Variants in SUGCT observed in about 807,000 individuals in gnomAD.
SUGCT encodes succinyl-CoA:glutarate CoA-transferase.
A neutral mutation model predicts 55.0 loss-of-function variants in SUGCT; 41 were observed. That is an observed-to-expected ratio of 0.74 (90% CI 0.58 to 0.97). The LOEUF (loss-of-function observed/expected upper bound fraction) is 0.97, where lower values mean the gene tolerates loss of function less well. Ranked by LOEUF, SUGCT falls within the 50% of genes least tolerant of loss-of-function variation. The pLI is 0.00. For synonymous variants in SUGCT, 187 were observed against 200.4 expected, an observed-to-expected ratio of 0.93 and a Z score of 0.56; for missense variants, 568 against 547.8, an observed-to-expected ratio of 1.04 and a Z score of -0.37.
intron 12 of SUGCT, among the ~76,000 whole-genome samples, chr7:40,619,065 G>T (rs1277149685): frequency 6.6e-6 from 1 of 152,010 alleles, no homozygotes; most frequent in African/African-American, 2.4e-5. Context: ...TCCCACTCTG[G>T]CCAGGAATAC....
chr7:40,677,634 G>C (rs1191576941), intron 12 of SUGCT, among the ~76,000 whole-genome samples: 1 of 152,166 alleles, frequency 6.6e-6, no homozygotes, highest in Non-Finnish European at 1.5e-5. Flanking sequence ...TCACTGGTCA[G>C]AACGAGTTCC....
chr7:40,377,169 TC>T (rs1272501521), intron 9 of SUGCT, among the ~76,000 whole-genome samples: 2 of 16,056 alleles, frequency 1.2e-4, no homozygotes, highest in African/African-American at 2.0e-4. Flanking sequence ...TTTCTTTCTT[TC>T]TTTCTTTCTT....
At chr7:40,662,066 C>T (rs1025073043) in intron 12 of SUGCT, among the ~76,000 whole-genome samples, 1 of 152,202 alleles carries the variant, frequency 6.6e-6, no homozygotes, top group Non-Finnish European at 1.5e-5. Flanking sequence ...AAACGTATCT[C>T]CCCCTTGCCC....
intron 9 of SUGCT, among the ~76,000 whole-genome samples, chr7:40,394,533 A>G (rs1026758231): frequency 6.6e-6 from 1 of 152,242 alleles, no homozygotes; most frequent in African/African-American, 2.4e-5. Context: ...ATATGTATAC[A>G]TTGTAGAATG....
At chr7:40,349,628 G>C (rs1471506614) in intron 9 of SUGCT, among the ~76,000 whole-genome samples, 1 of 151,624 alleles carries the variant, frequency 6.6e-6, no homozygotes, top group Non-Finnish European at 1.5e-5. Context: ...TTTGCCGCTT[G>C]CTCCTCACCT....
chr7:40,887,770 G>C, the SUGCT span, among the ~76,000 whole-genome samples: 1 of 152,176 alleles, frequency 6.6e-6, no homozygotes, highest in Admixed American at 6.5e-5. Context: ...CAGGGCTCTG[G>C]AACTAACCTC....
intron 6 of SUGCT, among the ~76,000 whole-genome samples, chr7:40,208,596 G>A (rs1787140217): frequency 6.6e-6 from 1 of 151,628 alleles, no homozygotes; most frequent in African/African-American, 2.4e-5. Flanking sequence ...CCAGGCTGGA[G>A]TGCAGTGGTG....
chr7:40,864,841 G>A (rs189319650), downstream of SUGCT, among the ~76,000 whole-genome samples: 14 of 152,196 alleles, frequency 9.2e-5, no homozygotes, highest in Admixed American at 9.2e-4. Context: ...AGAGGGAGGG[G>A]CAGGCACTAG....
Position 40,329,942 on chromosome 7 carries a change from T to C in SUGCT, c.816+13087T>C, listed in dbSNP as rs148753057. Among the ~76,000 whole-genome samples, 366 of 152,330 alleles carry C rather than the reference T, an allele frequency of 2.4e-3. 1 individual carries two copies. Among genetic ancestry groups the C allele is most frequent in the Middle Eastern group, 0.01 (3 of 294 alleles). On this transcript the variant is annotated intron_variant, in intron 9 of 13. Coordinates refer to ENST00000335693, the MANE Select transcript of SUGCT (RefSeq NM_001193313.2). ...CCTGGAGAGAGATTCCTGGGAATGA[T>C]TTCCATTTTTTTGGATTGGCACTCC...
At chr7:40,657,543 C>G (rs184834082) in intron 12 of SUGCT, among the ~76,000 whole-genome samples, 1 of 151,884 alleles carries the variant, frequency 6.6e-6, no homozygotes, top group Non-Finnish European at 1.5e-5. Context: ...CTCTGTTGCC[C>G]GGGCTGGAGT....
the SUGCT span, among the ~76,000 whole-genome samples, chr7:40,929,736 T>C: frequency 6.6e-6 from 1 of 152,252 alleles, no homozygotes; most frequent in South Asian, 2.1e-4. Context: ...GAACTGTCTG[T>C]TCATATCCTT....
At chr7:40,594,409 T>G (rs976262735) in intron 12 of SUGCT, among the ~76,000 whole-genome samples, 1 of 152,092 alleles carries the variant, frequency 6.6e-6, no homozygotes. Flanking sequence ...ACCATAATTA[T>G]GAAATGTGAT....
chr7:41,013,235 G>C, the SUGCT span, among the ~76,000 whole-genome samples: 1 of 152,132 alleles, frequency 6.6e-6, no homozygotes, highest in African/African-American at 2.4e-5. Context: ...ATTTATCACA[G>C]GTCATTTACA....
chr7:40,795,608 A>T (rs1790514352), intron 13 of SUGCT, among the ~76,000 whole-genome samples: 1 of 152,174 alleles, frequency 6.6e-6, no homozygotes, highest in Non-Finnish European at 1.5e-5. Context: ...ATCCGCATCG[A>T]CACAGAGATA....
intron 9 of SUGCT, among the ~76,000 whole-genome samples, chr7:40,429,282 T>C (rs1787767111): frequency 6.6e-6 from 1 of 152,202 alleles, no homozygotes; most frequent in South Asian, 2.1e-4. Context: ...CTGAACTGCA[T>C]CTCTGTATTG....
At chr7:41,015,747 G>T in the SUGCT span, among the ~76,000 whole-genome samples, 1 of 152,226 alleles carries the variant, frequency 6.6e-6, no homozygotes, top group Non-Finnish European at 1.5e-5. Context: ...TCTTCCTACA[G>T]TGTGGGCAAG....
chr7:40,246,879 G>C (rs531301820), intron 7 of SUGCT, among the ~76,000 whole-genome samples: 2 of 152,046 alleles, frequency 1.3e-5, no homozygotes, highest in African/African-American at 2.4e-5. Flanking sequence ...GATTACAGAC[G>C]TGAGCCACCA....
rs539010313 is a variant in SUGCT at position 40,201,813 on chromosome 7, CACATATA to C, written c.484+6757_484+6763del. Among the ~76,000 whole-genome samples, 60 of 152,300 alleles carry C rather than the reference CACATATA, an allele frequency of 3.9e-4. 1 individual carries two copies. Among genetic ancestry groups the C allele is most frequent in the Admixed American group, 3.8e-3 (58 of 15,288 alleles). On this transcript the variant is annotated intron_variant, in intron 6 of 13. Transcript: ENST00000335693. The stretch of plus-strand genomic sequence containing the variant: ...CTTTAAATATTTCTTTTTACCCATA[CACATATA>C]ACAGATGTGTTACATGAGTTGGACT...
At chr7:40,559,214 C>G (rs1219244641) in intron 12 of SUGCT, among the ~76,000 whole-genome samples, 1 of 152,176 alleles carries the variant, frequency 6.6e-6, no homozygotes, top group African/African-American at 2.4e-5. Context: ...GGTCTCCAGC[C>G]AGATGCTCCA....
Sources: gnomAD v4.1 joint callset for allele counts (sites outside exome capture counted in the v4.1 genomes callset) on GRCh38, gnomAD v4.1.1 for gene constraint, MANE v1.5 for transcripts, NCBI Gene and HGNC (gene_info 2026-07-23, HGNC 2026-07-21) for gene names.